NFAT5: variants seen among roughly 807,000 people sequenced by gnomAD.
NFAT5 encodes the protein nuclear factor of activated T cells 5.
In NFAT5, 31 loss-of-function variants were observed where a neutral mutation model predicts 166.5. The observed-to-expected ratio is 0.19, with a 90% confidence interval of 0.14 to 0.25. The LOEUF (loss-of-function observed/expected upper bound fraction) is 0.25. Among genes scored for constraint, NFAT5 ranks in the 10% least tolerant of loss-of-function variants. The pLI, the probability that NFAT5 is intolerant of heterozygous loss-of-function variation, is 1.00. For missense variants in NFAT5, 1,449 were observed against 1,821.8 expected (o/e 0.80, Z 3.72); for synonymous variants, 612 against 639.7 (o/e 0.96, Z 0.65).
At chr16:69,678,788 C>G (rs1029588495) in intron 10 of NFAT5, among the ~76,000 whole-genome samples, 5 of 152,122 alleles carry the variant, frequency 3.3e-5, no homozygotes, top group African/African-American at 1.2e-4. Flanking sequence ...CCATATAGTT[C>G]AAGATCCAGT....
At chr16:69,594,789 A>G (rs2032692999) in intron 2 of NFAT5, among the ~76,000 whole-genome samples, 2 of 152,098 alleles carry the variant, frequency 1.3e-5, no homozygotes, top group South Asian at 4.1e-4. Context: ...TCTACAGGGG[A>G]GCTTATTAAG....
At chr16:69,669,617 G>A (rs773026886) in intron 7 of NFAT5, among the ~76,000 whole-genome samples, 4 of 152,152 alleles carry the variant, frequency 2.6e-5, no homozygotes, top group Non-Finnish European at 5.9e-5. Flanking sequence ...ATACTTGTTT[G>A]TATCAATAGC....
intron 6 of NFAT5, among the ~76,000 whole-genome samples, chr16:69,657,271 C>T (rs1488879501): frequency 6.6e-6 from 1 of 151,122 alleles, no homozygotes; most frequent in Non-Finnish European, 1.5e-5. Context: ...GCTTGGATTA[C>T]AGGCGCCCAC....
At chr16:69,611,175 G>T (rs1220854600) in intron 2 of NFAT5, among the ~76,000 whole-genome samples, 1 of 152,026 alleles carries the variant, frequency 6.6e-6, no homozygotes, top group East Asian at 1.9e-4. Flanking sequence ...AGATTATTAT[G>T]TATGTTTACA....
chr16:69,598,354 G>A (rs1317348362), intron 2 of NFAT5, among the ~76,000 whole-genome samples: 1 of 149,572 alleles, frequency 6.7e-6, no homozygotes, highest in Non-Finnish European at 1.5e-5. Flanking sequence ...CGCCAGCCTG[G>A]GTGACAGAGC....
At chr16:69,651,831 T>C (rs1220723530) in intron 4 of NFAT5, among the ~76,000 whole-genome samples, 1 of 151,944 alleles carries the variant, frequency 6.6e-6, no homozygotes, top group Non-Finnish European at 1.5e-5. Context: ...CCACCACTCC[T>C]GGCTAATTTT....
intron 3 of NFAT5, among the ~76,000 whole-genome samples, chr16:69,633,627 T>C (rs901268476): frequency 2.0e-5 from 3 of 152,080 alleles, no homozygotes; most frequent in South Asian, 2.1e-4. Context: ...CTAAAAAATG[T>C]TGGTCTCATA....
At chr16:69,609,175 G>T (rs185212939) in intron 2 of NFAT5, among the ~76,000 whole-genome samples, 11 of 152,066 alleles carry the variant, frequency 7.2e-5, no homozygotes, top group African/African-American at 2.7e-4. Context: ...CAGGTCTTTG[G>T]TTGCTGTTCT....
chr16:69,576,072 G>T (rs1414686371), intron 2 of NFAT5, among the ~76,000 whole-genome samples: 1 of 151,966 alleles, frequency 6.6e-6, no homozygotes, highest in African/African-American at 2.4e-5. Context: ...GGAGGCCGAG[G>T]TGGGCGGATC....
At chr16:69,662,442 A>G (rs112886027) in intron 7 of NFAT5, among the ~76,000 whole-genome samples, 2,618 of 137,512 alleles carry the variant, frequency 0.019, 90 homozygotes, top group African/African-American at 0.064. Context: ...GGTAGACAAC[A>G]CCTCTTTCTT....
At chr16:69,578,239 C>T (rs1597343839) in intron 2 of NFAT5, among the ~76,000 whole-genome samples, 1 of 152,132 alleles carries the variant, frequency 6.6e-6, no homozygotes, top group African/African-American at 2.4e-5. Context: ...CCATCTCCAA[C>T]AGATACCAAG....
chr16:69,667,842 A>G (rs533620178), intron 7 of NFAT5, among the ~76,000 whole-genome samples: 45 of 152,310 alleles, frequency 3.0e-4, no homozygotes, highest in African/African-American at 1.1e-3. Context: ...GAATAAACTG[A>G]TTTAGTTAAT....
Position 69,621,147 on chromosome 16 carries a change from T to C in NFAT5, c.128-5256T>C, listed in dbSNP as rs190842946. 3.9e-4 allele frequency among the ~76,000 whole-genome samples: 59 copies of C among 152,258 alleles called. No homozygotes were observed. The East Asian group carries it at 4.2e-3, about 11-fold the overall frequency. ...TGGCCTTCTTTATATATAGAAGCTA[T>C]GTGAAGAGAGATGGTTTTGTCCATG... On this transcript the variant is annotated intron_variant, in intron 2 of 14. Coordinates refer to ENST00000349945, the MANE Select transcript of NFAT5 (RefSeq NM_138713.4).
chr16:69,585,510 A>T (rs1484709133), intron 2 of NFAT5, among the ~76,000 whole-genome samples: 1 of 152,170 alleles, frequency 6.6e-6, no homozygotes, highest in Non-Finnish European at 1.5e-5. Flanking sequence ...ACTCAAACAG[A>T]TACTAATGCA....
At chr16:69,569,452 A>G (rs2142892579) in intron 2 of NFAT5, among the ~76,000 whole-genome samples, 1 of 152,194 alleles carries the variant, frequency 6.6e-6, no homozygotes, top group African/African-American at 2.4e-5. Context: ...GTCTACTTTA[A>G]AAAGGCCCTA....
chr16:69,695,107 T>C, intron 13 of NFAT5, 29 bp from the exon 14 acceptor site: 1 of 1,537,950 alleles, frequency 6.5e-7, no homozygotes, highest in Non-Finnish European at 9.0e-7. Flanking sequence ...TAGTCAGCTT[T>C]TAAGCTTCTG....
intron 2 of NFAT5, among the ~76,000 whole-genome samples, chr16:69,590,158 A>G (rs1015392184): frequency 1.3e-5 from 2 of 152,190 alleles, no homozygotes; most frequent in Non-Finnish European, 2.9e-5. Flanking sequence ...TGGGCGACAG[A>G]ATGAGACCCT....
intron 2 of NFAT5, among the ~76,000 whole-genome samples, chr16:69,620,672 C>G (rs2034157226): frequency 6.6e-6 from 1 of 151,990 alleles, no homozygotes; most frequent in African/African-American, 2.4e-5. Context: ...CCTTAGAACA[C>G]AAAAGTAAAA....
Position 69,566,185 on chromosome 16 carries a change from C to T in NFAT5, c.-117C>T. Reference sequence around the variant, plus strand: ...ACTACCCTCGAGGAGGAGGCAGCGGCAGCCGCCCTCGCGTCGCCGCCCCCG... The same window carrying T: ...ACTACCCTCGAGGAGGAGGCAGCGGTAGCCGCCCTCGCGTCGCCGCCCCCG... On this transcript the variant is annotated 5_prime_UTR_variant, in exon 1 of 15. Transcript: ENST00000349945. This position sits in a 1 kb window ranked among gnomAD's most constrained non-coding sequence, Gnocchi z 5.7. The T allele has an allele frequency of 1.2e-6, 1 of 811,374 alleles. No homozygotes were observed. Among genetic ancestry groups the T allele is most frequent in the East Asian group, 2.8e-5 (1 of 35,200 alleles). The allele number at this position is 811,374 out of a possible 1,614,324, so 50.3% of individuals were successfully genotyped here. A position where few individuals can be genotyped will look rare whatever the true frequency, so the allele number is the denominator to read the frequency against.
Sources: allele counts gnomAD v4.1 joint callset (sites outside exome capture counted in the v4.1 genomes callset), GRCh38; gene constraint gnomAD v4.1.1; non-coding constraint Gnocchi (gnomAD v3.1); transcripts MANE v1.5; gene names NCBI Gene and HGNC (gene_info 2026-07-23, HGNC 2026-07-21).